GSPT1: variants seen among roughly 807,000 people sequenced by gnomAD.
GSPT1 encodes G1 to S phase transition 1.
GSPT1 carries 20 observed loss-of-function variants against 72.5 expected under a neutral mutation model. The ratio of observed to expected loss-of-function variants is 0.28; its 90% confidence interval spans 0.19 to 0.40. The LOEUF is 0.40. GSPT1 is among the 10% of genes least tolerant of loss of function. The pLI is 1.00. For missense variants in GSPT1, 580 were observed against 811.9 expected (o/e 0.71, Z 3.47); for synonymous variants, 334 against 293.5 (o/e 1.14, Z -1.41).
intron 3 of GSPT1, 77 bp downstream of exon 3, chr16:11,897,763 C>G: frequency 1.3e-6 from 1 of 757,812 alleles, no homozygotes; most frequent in East Asian, 2.7e-5. Flanking sequence ...ATAATCGTAA[C>G]TTACATAATG....
chr16:11,897,415 C>T (rs2054354143), intron 3 of GSPT1, among the ~76,000 whole-genome samples: 1 of 151,992 alleles, frequency 6.6e-6, no homozygotes, highest in South Asian at 2.1e-4. Context: ...TGAAACCCCG[C>T]CTCTACTAAA....
chr16:11,901,417 A>G (rs2150881729), intron 1 of GSPT1, among the ~76,000 whole-genome samples: 1 of 152,312 alleles, frequency 6.6e-6, no homozygotes, highest in South Asian at 2.1e-4. Flanking sequence ...AAGGAATGAA[A>G]TTACAGTTTC....
At chr16:11,885,669 G>C (rs931800964) in intron 9 of GSPT1, among the ~76,000 whole-genome samples, 2 of 152,142 alleles carry the variant, frequency 1.3e-5, no homozygotes, top group South Asian at 4.1e-4. Context: ...AAAGGCAGGT[G>C]CATCTCTTGA....
chr16:11,906,581 C>T (rs2054493115), intron 1 of GSPT1, among the ~76,000 whole-genome samples: 2 of 152,146 alleles, frequency 1.3e-5, no homozygotes, highest in South Asian at 4.1e-4. Context: ...CCACAGTGAG[C>T]TATGATTGTG....
intron 1 of GSPT1, among the ~76,000 whole-genome samples, chr16:11,900,210 G>A (rs112299328): frequency 7.0e-4 from 107 of 151,992 alleles, no homozygotes; most frequent in Admixed American, 1.7e-3. Context: ...GCATACACCT[G>A]TAATCCCAGC....
At chr16:11,879,899 A>G (rs931809491) in intron 11 of GSPT1, among the ~76,000 whole-genome samples, 1 of 152,236 alleles carries the variant, frequency 6.6e-6, no homozygotes, top group African/African-American at 2.4e-5. Flanking sequence ...TAACCATTTT[A>G]GGTGTACATT....
At chr16:11,900,223 C>T (rs890959041) in intron 1 of GSPT1, among the ~76,000 whole-genome samples, 2 of 151,840 alleles carry the variant, frequency 1.3e-5, no homozygotes, top group African/African-American at 2.4e-5. Flanking sequence ...ATCCCAGCTA[C>T]TCGGGAGGCC....
At chr16:11,880,630 G>C (rs555258981) in intron 11 of GSPT1, among the ~76,000 whole-genome samples, 74 of 152,282 alleles carry the variant, frequency 4.9e-4, no homozygotes, top group African/African-American at 1.7e-3. Context: ...GTCCAGCCCT[G>C]TGGATTTGAT....
chr16:11,885,213 G>A lies in GSPT1; in HGVS notation c.1315C>T (p.Pro439Ser). The change falls in exon 10 of 15, where the codon CCA becomes TCA. Residue 439 changes from proline (P) to serine (S), a missense_variant. Transcript: ENST00000434724. ...TTATCCACAATTGGCAGCCTGATTGGTCCATCAACTGATCTATTGAAGTTC... is the reference window on the plus strand; with the variant it reads ...TTATCCACAATTGGCAGCCTGATTGATCCATCAACTGATCTATTGAAGTTC... ...LPNFNRSVDGPIRLPIVDKYK... is the reference protein window; with the variant it reads ...LPNFNRSVDGSIRLPIVDKYK... 2 of 1,594,036 alleles carry A rather than the reference G, an allele frequency of 1.3e-6. No individual in the cohort carries two copies. Among genetic ancestry groups the A allele is most frequent in the Non-Finnish European group, 1.7e-6 (2 of 1,161,966 alleles).
intron 1 of GSPT1, among the ~76,000 whole-genome samples, chr16:11,909,607 T>C (rs775573120): frequency 1.3e-5 from 2 of 152,166 alleles, no homozygotes; most frequent in Non-Finnish European, 2.9e-5. Context: ...GTGCTCTACC[T>C]TCAGCACTCT....
Position 11,876,496 on chromosome 16 carries a change from G to A in GSPT1, c.1603-321C>T, listed in dbSNP as rs1038477410. On this transcript the variant is annotated intron_variant, in intron 12 of 14. Coordinates refer to ENST00000434724, the MANE Select transcript of GSPT1 (RefSeq NM_002094.4). ...TGTAATCTCAGCACTTTGGGAGGCCGAGGCGGCAGGGGGGCCGGGGGGATC... is the reference window on the plus strand; with the variant it reads ...TGTAATCTCAGCACTTTGGGAGGCCAAGGCGGCAGGGGGGCCGGGGGGATC... Among the ~76,000 whole-genome samples the A allele has an allele frequency of 2.6e-5, 4 of 152,126 alleles. No homozygotes were observed. In the East Asian group the frequency reaches 5.8e-4, roughly 22 times the overall value.
chr16:11,909,690 C>T (rs1353037887), intron 1 of GSPT1, among the ~76,000 whole-genome samples: 1 of 152,052 alleles, frequency 6.6e-6, no homozygotes, highest in African/African-American at 2.4e-5. Flanking sequence ...TTTGGGAGGC[C>T]GAGACGGGTG....
intron 12 of GSPT1, 106 bp from the exon 13 acceptor site, chr16:11,876,281 AG>A (rs1324625253): frequency 4.0e-6 from 3 of 755,914 alleles, no homozygotes; most frequent in Non-Finnish European, 6.9e-6. Flanking sequence ...CCATCTCACT[AG>A]GACATCAACT....
chr16:11,905,606 G>C (rs886334723), intron 1 of GSPT1, among the ~76,000 whole-genome samples: 4 of 152,062 alleles, frequency 2.6e-5, no homozygotes, highest in Admixed American at 2.0e-4. Flanking sequence ...AGGCCAAGGC[G>C]GGCAGATAAC....
chr16:11,883,104 A>G lies in GSPT1; in HGVS notation c.1348-9T>C. On this transcript the variant is annotated splice_polypyrimidine_tract_variant and intron_variant, in intron 10 of 14. Coordinates refer to ENST00000434724, the MANE Select transcript of GSPT1 (RefSeq NM_002094.4). ...ACCACAGTGCCCATATCCTGATCAA[A>G]TGTAAAATAAAATCCAGTTTCAGAC... 1 of 1,572,790 alleles carries G rather than the reference A, an allele frequency of 6.4e-7. No individual in the cohort carries two copies. The highest frequency in any genetic ancestry group is 1.3e-5 in the African/African-American group (1 of 74,274).
intron 1 of GSPT1, among the ~76,000 whole-genome samples, chr16:11,898,765 T>A (rs2141305264): frequency 6.6e-6 from 1 of 152,238 alleles, no homozygotes; most frequent in South Asian, 2.1e-4. Context: ...TTAGCCCTTT[T>A]TAATATTCCA....
intron 1 of GSPT1, among the ~76,000 whole-genome samples, chr16:11,910,961 A>G (rs1254818976): frequency 6.6e-6 from 1 of 152,212 alleles, no homozygotes; most frequent in Non-Finnish European, 1.5e-5. Context: ...TAAAACCATG[A>G]AACAAGAGAC....
Position 11,885,233 on chromosome 16 carries a change from A to G in GSPT1, c.1295T>C (p.Phe432Ser). The G allele has an allele frequency of 6.3e-7, 1 of 1,596,614 alleles. No homozygotes were observed. The highest frequency in any genetic ancestry group is 8.6e-7 in the Non-Finnish European group (1 of 1,164,208). ...FIPYLDNLPNFNRSVDGPIRL... is the reference protein window; with the variant it reads ...FIPYLDNLPNSNRSVDGPIRL... ...GATTGGTCCATCAACTGATCTATTGAAGTTCGGCAAATTATCCAGATATGG... is the reference window on the plus strand; with the variant it reads ...GATTGGTCCATCAACTGATCTATTGGAGTTCGGCAAATTATCCAGATATGG... Residue 432 changes from phenylalanine (F) to serine (S), a missense_variant, in exon 10 of 15, where the codon TTC (phenylalanine) becomes TCC (serine). Physicochemically the swap from Phe to Ser is radical, Grantham distance 155. Coordinates refer to ENST00000434724, the MANE Select transcript of GSPT1 (RefSeq NM_002094.4).
chr16:11,882,106 C>T (rs2054129863), intron 11 of GSPT1: 1 of 152,208 alleles, frequency 6.6e-6, no homozygotes, highest in African/African-American at 2.4e-5. Context: ...CAAGGTGAAA[C>T]CCTGTCTCTA....
Sources: allele counts gnomAD v4.1 joint callset (sites outside exome capture counted in the v4.1 genomes callset), GRCh38; gene constraint gnomAD v4.1.1; transcripts MANE v1.5; gene names NCBI Gene and HGNC (gene_info 2026-07-23, HGNC 2026-07-21).